Variants in CSMD1 observed in about 807,000 individuals in gnomAD.
CSMD1 encodes the protein CUB and sushi domain-containing protein 1.
In CSMD1, 213 loss-of-function variants were observed where a neutral mutation model predicts 417.5. The observed-to-expected ratio is 0.51, with a 90% CI of 0.46 to 0.57. CSMD1 has a LOEUF of 0.57. CSMD1 is among the 20% of genes least tolerant of loss of function. The probability of loss-of-function intolerance (pLI) is 0.00; values close to 1 mark genes in which losing one functional copy is unlikely to be tolerated. For missense variants in CSMD1, 6,923 were observed against 4,529.7 expected (o/e 1.53, Z -15.17); for synonymous variants, 2,862 against 1,736.8 (o/e 1.65, Z -16.11).
chr8:3,480,812 A>C (rs947006791), intron 11 of CSMD1, among the ~76,000 whole-genome samples: 1 of 152,164 alleles, frequency 6.6e-6, no homozygotes, highest in Non-Finnish European at 1.5e-5. Flanking sequence ...CTTCAGAAAT[A>C]AAGGGAACTT....
intron 10 of CSMD1, among the ~76,000 whole-genome samples, chr8:3,553,793 G>T (rs1219437857): frequency 6.6e-6 from 1 of 152,100 alleles, no homozygotes; most frequent in African/African-American, 2.4e-5. Flanking sequence ...GTGAAAAATA[G>T]GCAAATAATT....
chr8:3,803,884 A>G (rs949061370), intron 5 of CSMD1, among the ~76,000 whole-genome samples: 8 of 152,136 alleles, frequency 5.3e-5, no homozygotes, highest in African/African-American at 1.7e-4. Context: ...ATTTGACTTG[A>G]GTGACAATAG....
chr8:3,711,192 G>A (rs1230368638), intron 6 of CSMD1, among the ~76,000 whole-genome samples: 1 of 152,162 alleles, frequency 6.6e-6, no homozygotes, highest in Non-Finnish European at 1.5e-5. Flanking sequence ...AAACTTTGAG[G>A]AGCTTTTCCC....
intron 6 of CSMD1, among the ~76,000 whole-genome samples, chr8:3,728,925 CAATAATCCCAA>C (rs1802652241): frequency 6.6e-6 from 1 of 152,156 alleles, no homozygotes; most frequent in Non-Finnish European, 1.5e-5. Flanking sequence ...CATTTTAAAT[CAATAATCCCAA>C]AATAATGCAA....
chr8:3,852,885 T>C lies in CSMD1; in HGVS notation c.819-98843A>G, dbSNP rs537778337. ...CAATCCCTCCAGCATCCACGCAGGT[T>C]CCTATTTCTCTCATTTTAAAATATT... On this transcript the variant is annotated intron_variant, in intron 5 of 69. Transcript: ENST00000635120. 2.7e-3 allele frequency among the ~76,000 whole-genome samples: 415 copies of C among 152,208 alleles called. 2 individuals carry two copies. The highest frequency in any genetic ancestry group is 4.0e-3 in the African/African-American group (168 of 41,536).
intron 3 of CSMD1, among the ~76,000 whole-genome samples, chr8:4,134,305 G>C (rs1290723024): frequency 6.6e-6 from 1 of 152,130 alleles, no homozygotes; most frequent in Non-Finnish European, 1.5e-5. Context: ...CCTTTAGGTT[G>C]GTGATTAAGC....
At chr8:3,525,589 T>G (rs1156521023) in intron 10 of CSMD1, among the ~76,000 whole-genome samples, 1 of 152,164 alleles carries the variant, frequency 6.6e-6, no homozygotes, top group Admixed American at 6.5e-5. Context: ...GAGGGATAAG[T>G]CTGTCACTAG....
chr8:3,443,315 T>C (rs2117070877), intron 12 of CSMD1, among the ~76,000 whole-genome samples: 1 of 152,188 alleles, frequency 6.6e-6, no homozygotes, highest in African/African-American at 2.4e-5. Context: ...TGTGGAGTGC[T>C]GTACAGCCAG....
chr8:4,216,517 C>T (rs980595746), intron 3 of CSMD1, among the ~76,000 whole-genome samples: 2 of 152,114 alleles, frequency 1.3e-5, no homozygotes, highest in Non-Finnish European at 2.9e-5. Flanking sequence ...TCAGTACCCC[C>T]ACGGGACTAA....
chr8:4,143,628 T>G (rs1431104583), intron 3 of CSMD1, among the ~76,000 whole-genome samples: 1 of 151,104 alleles, frequency 6.6e-6, no homozygotes, highest in Non-Finnish European at 1.5e-5. Flanking sequence ...AGGGTACACC[T>G]GATACCGGAA....
At chr8:4,212,904 A>G (rs1800407762) in intron 3 of CSMD1, among the ~76,000 whole-genome samples, 1 of 152,006 alleles carries the variant, frequency 6.6e-6, no homozygotes, top group South Asian at 2.1e-4. Flanking sequence ...CTGAGCTGGA[A>G]AGAAGACACT....
At chr8:3,086,495 C>G (rs1814543550) in intron 49 of CSMD1, among the ~76,000 whole-genome samples, 1 of 152,048 alleles carries the variant, frequency 6.6e-6, no homozygotes, top group Non-Finnish European at 1.5e-5. Context: ...CTTTCAAAGA[C>G]TAATATAATT....
At chr8:3,450,050 T>C (rs954451533) in intron 12 of CSMD1, among the ~76,000 whole-genome samples, 4 of 152,204 alleles carry the variant, frequency 2.6e-5, no homozygotes, top group South Asian at 2.1e-4. Context: ...TCTCCTTCCC[T>C]GGTTGAGACA....
chr8:3,546,018 G>C (rs763607900), intron 10 of CSMD1, among the ~76,000 whole-genome samples: 1 of 152,218 alleles, frequency 6.6e-6, no homozygotes, highest in African/African-American at 2.4e-5. Context: ...CACTGAGAAA[G>C]ATTTCTCTAA....
intron 1 of CSMD1, among the ~76,000 whole-genome samples, chr8:4,909,759 G>C (rs924035524): frequency 2.0e-5 from 3 of 152,134 alleles, no homozygotes; most frequent in Admixed American, 2.0e-4. Flanking sequence ...AGCTCCTATA[G>C]TCTCTGATCC....
chr8:4,323,223 G>C (rs1035825939), intron 3 of CSMD1, among the ~76,000 whole-genome samples: 1 of 152,142 alleles, frequency 6.6e-6, no homozygotes, highest in Non-Finnish European at 1.5e-5. Flanking sequence ...GTGATTGTAA[G>C]AGAAGTTAGG....
intron 54 of CSMD1, among the ~76,000 whole-genome samples, chr8:2,988,284 A>C (rs1437260516): frequency 1.3e-5 from 2 of 152,092 alleles, no homozygotes; most frequent in African/African-American, 4.8e-5. Context: ...CTTTATGCTT[A>C]TGTACATAAG....
chr8:3,394,283 TAATAA>T (rs1191187761), intron 17 of CSMD1, among the ~76,000 whole-genome samples: 2 of 147,134 alleles, frequency 1.4e-5, no homozygotes, highest in African/African-American at 2.5e-5. Flanking sequence ...TATTTTATAA[TAATAA>T]AATATTATTA....
intron 3 of CSMD1, among the ~76,000 whole-genome samples, chr8:4,058,027 G>A (rs1260982384): frequency 6.6e-6 from 1 of 151,226 alleles, no homozygotes; most frequent in Admixed American, 6.6e-5. Flanking sequence ...GCTCTTTTTT[G>A]GTTCCATATG....
Sources: gnomAD v4.1 joint callset for allele counts (sites outside exome capture counted in the v4.1 genomes callset) on GRCh38, gnomAD v4.1.1 for gene constraint, MANE v1.5 for transcripts, NCBI Gene and HGNC (gene_info 2026-07-23, HGNC 2026-07-21) for gene names.